Variants in TPH2 observed in about 807,000 individuals in gnomAD.
The protein encoded by TPH2 is tryptophan 5-hydroxylase 2.
Under a neutral mutation model 59.1 loss-of-function variants are expected in TPH2, and 27 were observed. That is an observed-to-expected ratio of 0.46 (90% CI 0.34 to 0.63). TPH2 has a LOEUF of 0.63. Among genes scored for constraint, TPH2 ranks in the 30% least tolerant of loss-of-function variants. The pLI, the probability that TPH2 is intolerant of heterozygous loss-of-function variation, is 0.01. For synonymous variants in TPH2, 220 were observed against 210.5 expected (o/e 1.05, Z -0.39); for missense variants, 523 against 588.3 (o/e 0.89, Z 1.15).
At chr12:71,943,473 T>C (rs1313572518) in intron 2 of TPH2, among the ~76,000 whole-genome samples, 1 of 152,158 alleles carries the variant, frequency 6.6e-6, no homozygotes, top group East Asian at 1.9e-4. Flanking sequence ...AACCTGATTT[T>C]TAAATATTAA....
chr12:71,949,472 TAG>T, intron 4 of TPH2, 114 bp from the exon 5 acceptor site: 1 of 839,160 alleles, frequency 1.2e-6, no homozygotes, highest in Non-Finnish European at 2.0e-6. Context: ...ATGGCCATCC[TAG>T]GATAAGATTT....
At chr12:71,944,716 A>G (rs373709969) in intron 4 of TPH2, 30 bp downstream of exon 4, 1,143 of 1,592,254 alleles carry the variant, frequency 7.2e-4, no homozygotes, top group Non-Finnish European at 9.5e-4. Context: ...TATTTCTCAC[A>G]TGCTCTTTCA....
intron 8 of TPH2, among the ~76,000 whole-genome samples, chr12:71,995,272 C>T (rs1420654750): frequency 6.6e-6 from 1 of 152,088 alleles, no homozygotes; most frequent in Non-Finnish European, 1.5e-5. Context: ...CCAGATCTAG[C>T]ATGCTCATAT....
intron 8 of TPH2, among the ~76,000 whole-genome samples, chr12:71,997,500 TAA>T (rs748243268): frequency 3.3e-5 from 5 of 152,200 alleles, no homozygotes; most frequent in Non-Finnish European, 7.3e-5. Context: ...GTAGGATGAG[TAA>T]GTTTTCTTTA....
intron 8 of TPH2, 122 bp downstream of exon 8, chr12:71,994,687 CT>C: frequency 8.0e-7 from 1 of 1,246,862 alleles, no homozygotes; most frequent in Non-Finnish European, 1.1e-6. Context: ...GTGAATTTAC[CT>C]TTTCCTATGT....
intron 8 of TPH2, among the ~76,000 whole-genome samples, chr12:72,019,792 T>A (rs1426387805): frequency 6.6e-6 from 1 of 152,174 alleles, no homozygotes; most frequent in Non-Finnish European, 1.5e-5. Flanking sequence ...GCTCAAGAAG[T>A]ATTTGTAGAA....
At chr12:71,997,746 C>T (rs1592404398) in intron 8 of TPH2, among the ~76,000 whole-genome samples, 2 of 148,082 alleles carry the variant, frequency 1.4e-5, no homozygotes, top group South Asian at 2.2e-4. Flanking sequence ...TCCTAGGTAC[C>T]ATGAGGTAGG....
intron 8 of TPH2, among the ~76,000 whole-genome samples, chr12:72,000,435 C>T (rs1304718879): frequency 2.0e-5 from 3 of 152,132 alleles, no homozygotes; most frequent in African/African-American, 7.2e-5. Context: ...ACGAAGTAAC[C>T]TGAGGATCAT....
intron 1 of TPH2, among the ~76,000 whole-genome samples, chr12:71,941,119 AT>A (rs1480782183): frequency 1.3e-5 from 2 of 152,164 alleles, no homozygotes; most frequent in Non-Finnish European, 2.9e-5. Context: ...TGAAATCGAT[AT>A]TTTGTTTTTA....
At chr12:71,944,198 G>A in intron 2 of TPH2, 96 bp from the exon 3 acceptor site, 1 of 1,260,842 alleles carries the variant, frequency 7.9e-7, no homozygotes, top group Non-Finnish European at 1.2e-6. Flanking sequence ...TCTTGTGTGG[G>A]TACTTGGCAC....
chr12:72,020,611 C>A lies in TPH2; in HGVS notation c.1069-1788C>A, dbSNP rs139001721. ...TCAAATGATTCTCTTGCCTCAGTCTCCTGGGTAGCTAGGATTACAGGTGCA... is the reference window on the plus strand; with the variant it reads ...TCAAATGATTCTCTTGCCTCAGTCTACTGGGTAGCTAGGATTACAGGTGCA... On this transcript the variant is annotated intron_variant, in intron 8 of 10. Coordinates refer to ENST00000333850, the MANE Select transcript of TPH2 (RefSeq NM_173353.4). Among the ~76,000 whole-genome samples, 191 of 152,220 alleles carry A rather than the reference C, an allele frequency of 1.3e-3. 4 individuals carry two copies. In the East Asian group the frequency reaches 0.015, roughly 12 times the overall value.
At chr12:71,961,902 C>A in intron 5 of TPH2, 1 of 1,075,388 alleles carries the variant, frequency 9.3e-7, no homozygotes. Context: ...AAAGGCAGCA[C>A]CAATATTAAC....
chr12:72,014,857 C>T (rs1041197942), intron 8 of TPH2, among the ~76,000 whole-genome samples: 16 of 152,056 alleles, frequency 1.1e-4, no homozygotes, highest in African/African-American at 2.9e-4. Context: ...TTTGGATGAA[C>T]GATGTTGGGA....
chr12:72,006,238 C>T (rs777340530), intron 8 of TPH2, among the ~76,000 whole-genome samples: 1 of 152,084 alleles, frequency 6.6e-6, no homozygotes, highest in Non-Finnish European at 1.5e-5. Context: ...ATTCATAACA[C>T]TTGTTAAAGA....
At chr12:71,977,469 A>G (rs953870435) in intron 6 of TPH2, among the ~76,000 whole-genome samples, 1 of 152,146 alleles carries the variant, frequency 6.6e-6, no homozygotes, top group Non-Finnish European at 1.5e-5. Context: ...ACACACACAC[A>G]CAGACACACG....
chr12:71,992,348 G>A (rs1269591712), intron 7 of TPH2, among the ~76,000 whole-genome samples: 2 of 152,146 alleles, frequency 1.3e-5, no homozygotes, highest in Admixed American at 6.5e-5. Flanking sequence ...TTGGGAGGCC[G>A]AGGTGGGCGG....
intron 5 of TPH2, among the ~76,000 whole-genome samples, chr12:71,957,033 T>C (rs1406622195): frequency 1.3e-5 from 2 of 152,194 alleles, no homozygotes; most frequent in Non-Finnish European, 2.9e-5. Context: ...TGGCAGAATG[T>C]ATAGGATTTG....
intron 9 of TPH2, among the ~76,000 whole-genome samples, chr12:72,023,353 T>C (rs1873474813): frequency 6.6e-6 from 1 of 152,224 alleles, no homozygotes; most frequent in African/African-American, 2.4e-5. Flanking sequence ...TATATAGTTA[T>C]TGGTACTTTT....
intron 5 of TPH2, among the ~76,000 whole-genome samples, 175 bp from the exon 6 acceptor site, chr12:71,972,344 T>C (rs1871996836): frequency 6.6e-6 from 1 of 152,306 alleles, no homozygotes. Flanking sequence ...CAAATACACA[T>C]GCACAACATT....
Sources: allele counts gnomAD v4.1 joint callset (sites outside exome capture counted in the v4.1 genomes callset), GRCh38; gene constraint gnomAD v4.1.1; transcripts MANE v1.5; gene names NCBI Gene and HGNC (gene_info 2026-07-23, HGNC 2026-07-21).